The following NTRK3 variants were observed in gnomAD, a reference collection of about 807,000 sequenced individuals.
NTRK3 encodes NT-3 growth factor receptor.
Under a neutral mutation model 91.7 loss-of-function variants are expected in NTRK3, and 24 were observed. The ratio of observed to expected loss-of-function variants is 0.26; its 90% CI spans 0.19 to 0.37. The LOEUF (loss-of-function observed/expected upper bound fraction) is 0.37, where lower values mean the gene tolerates loss of function less well. Ranked by LOEUF, NTRK3 falls within the 10% of genes least tolerant of loss-of-function variation. NTRK3 has a pLI of 1.00. For synonymous variants in NTRK3, 483 were observed against 404.0 expected, an observed-to-expected ratio of 1.20 and a Z score of -2.34; for missense variants, 880 against 1,068.9, an observed-to-expected ratio of 0.82 and a Z score of 2.46.
intron 17 of NTRK3, among the ~76,000 whole-genome samples, chr15:87,883,634 C>T (rs115046464): frequency 0.025 from 3,740 of 150,622 alleles, 59 homozygotes; most frequent in Non-Finnish European, 0.032. Flanking sequence ...TTTCAATTAC[C>T]TAAAAAAAGT....
At chr15:87,984,954 CTGTACAATAAACATTATGT>C (rs1426745200) in intron 14 of NTRK3, among the ~76,000 whole-genome samples, 3 of 152,164 alleles carry the variant, frequency 2.0e-5, no homozygotes, top group African/African-American at 7.2e-5. Flanking sequence ...GAGATTCAAA[CTGTACAATAAACATTATGT>C]TTATTGTACT....
chr15:88,202,050 A>G (rs1379892599), intron 3 of NTRK3, among the ~76,000 whole-genome samples: 3 of 151,626 alleles, frequency 2.0e-5, no homozygotes, highest in Non-Finnish European at 1.5e-5. Context: ...GTGAAGATCT[A>G]TTTTCCTCTG....
intron 13 of NTRK3, among the ~76,000 whole-genome samples, chr15:88,056,372 G>A (rs1457356894): frequency 1.3e-5 from 2 of 151,614 alleles, no homozygotes; most frequent in Non-Finnish European, 2.9e-5. Flanking sequence ...GGAGATGAAG[G>A]GAGATGATAA....
At chr15:88,115,123 C>A (rs1244938973) in intron 13 of NTRK3, among the ~76,000 whole-genome samples, 1 of 152,122 alleles carries the variant, frequency 6.6e-6, no homozygotes, top group Non-Finnish European at 1.5e-5. Flanking sequence ...TGTCAAGCCA[C>A]TTTCCAGAAA....
intron 3 of NTRK3, among the ~76,000 whole-genome samples, chr15:88,220,512 G>T (rs932783980): frequency 6.6e-6 from 1 of 152,182 alleles, no homozygotes; most frequent in African/African-American, 2.4e-5. Context: ...AAATTTGGAA[G>T]CCTCGGATCT....
At chr15:87,923,923 G>T (rs1040528654) in intron 17 of NTRK3, among the ~76,000 whole-genome samples, 1 of 152,080 alleles carries the variant, frequency 6.6e-6, no homozygotes, top group East Asian at 1.9e-4. Flanking sequence ...ACAGCAAGAA[G>T]GCCCTCACCA....
intron 14 of NTRK3, among the ~76,000 whole-genome samples, chr15:88,015,085 CT>C (rs1289787697): frequency 6.6e-6 from 1 of 152,208 alleles, no homozygotes; most frequent in Admixed American, 6.5e-5. Flanking sequence ...CATTTCTCTT[CT>C]TTCTGGAACA....
chr15:87,939,251 T>C (rs925099917), intron 15 of NTRK3, among the ~76,000 whole-genome samples: 14 of 152,212 alleles, frequency 9.2e-5, no homozygotes, highest in African/African-American at 3.4e-4. Context: ...AAATGCCAAC[T>C]ACTTTTTATT....
chr15:87,962,372 T>C (rs1210177616), intron 14 of NTRK3, among the ~76,000 whole-genome samples: 2 of 152,096 alleles, frequency 1.3e-5, no homozygotes, highest in African/African-American at 2.4e-5. Context: ...TTTGGCCCCA[T>C]CCATGCTCAC....
At chr15:87,975,264 C>T (rs922231) in intron 14 of NTRK3, among the ~76,000 whole-genome samples, 52,792 of 151,852 alleles carry the variant, frequency 0.35, 10,155 homozygotes, top group East Asian at 0.75. Flanking sequence ...GATCGAATTT[C>T]ACCTTGTTTC....
At chr15:88,125,383 C>G (rs2053176782) in intron 13 of NTRK3, among the ~76,000 whole-genome samples, 1 of 152,186 alleles carries the variant, frequency 6.6e-6, no homozygotes. Flanking sequence ...AGAAATTCAT[C>G]TCTCTACACA....
At chr15:88,125,028 G>T (rs118029127) in intron 13 of NTRK3, among the ~76,000 whole-genome samples, 2 of 152,132 alleles carry the variant, frequency 1.3e-5, no homozygotes, top group African/African-American at 4.8e-5. Flanking sequence ...TGCCCAGACC[G>T]GAATGCAGTG....
intron 5 of NTRK3, among the ~76,000 whole-genome samples, chr15:88,172,515 T>A (rs1243714328): frequency 6.6e-6 from 1 of 152,196 alleles, no homozygotes; most frequent in East Asian, 1.9e-4. Flanking sequence ...TTACTCAGCA[T>A]TACACTGAGT....
chr15:87,892,132 C>A (rs1490822655), intron 17 of NTRK3, among the ~76,000 whole-genome samples: 1 of 144,288 alleles, frequency 6.9e-6, no homozygotes, highest in East Asian at 2.0e-4. Flanking sequence ...ACACCACTCT[C>A]CAAAAGGAAG....
chr15:88,076,137 T>A (rs1022899395), intron 13 of NTRK3, among the ~76,000 whole-genome samples: 1 of 152,234 alleles, frequency 6.6e-6, no homozygotes, highest in Non-Finnish European at 1.5e-5. Context: ...TAGTTCCACT[T>A]TGCTGGGGAG....
chr15:88,107,939 C>T (rs138129665), intron 13 of NTRK3, among the ~76,000 whole-genome samples: 3 of 152,026 alleles, frequency 2.0e-5, no homozygotes, highest in Admixed American at 6.6e-5. Flanking sequence ...AAGTAGAGGA[C>T]CCCAAGGTGG....
chr15:87,894,459 C>T (rs1247563734), intron 17 of NTRK3, among the ~76,000 whole-genome samples: 1 of 152,150 alleles, frequency 6.6e-6, no homozygotes, highest in African/African-American at 2.4e-5. Flanking sequence ...ATCGTGTGTA[C>T]AGTCATAGAT....
At position 87,929,181 on chromosome 15, in the gene NTRK3, G is replaced by A; in HGVS notation, c.2133+10C>T. 2.5e-6 allele frequency: 4 copies of A among 1,614,168 alleles called. No homozygotes were observed. Among genetic ancestry groups the A allele is most frequent in the East Asian group, 2.2e-5 (1 of 44,872 alleles). On this transcript the variant is annotated intron_variant, in intron 17 of 18. Coordinates refer to ENST00000394480, the Ensembl canonical transcript of NTRK3. ...GTGGCTGAGTCCTGCAGCTGGGAAA[G>A]TCACTTTACCCTGTAATAATCCGTG...
intron 3 of NTRK3, among the ~76,000 whole-genome samples, chr15:88,225,100 CG>C (rs2141633235): frequency 6.6e-6 from 1 of 152,220 alleles, no homozygotes; most frequent in Admixed American, 6.5e-5. Flanking sequence ...TTTCTCACAG[CG>C]TGGTGGGTAG....
Sources: gnomAD v4.1 joint callset for allele counts (sites outside exome capture counted in the v4.1 genomes callset) on GRCh38, gnomAD v4.1.1 for gene constraint, MANE v1.5 for transcripts, NCBI Gene and HGNC (gene_info 2026-07-23, HGNC 2026-07-21) for gene names.